SAMD5: variants seen among roughly 807,000 people sequenced by gnomAD.
The protein encoded by SAMD5 is sterile alpha motif domain containing 5, also known as sterile alpha motif domain-containing protein 5.
In SAMD5, 13 loss-of-function variants were observed where a neutral mutation model predicts 11.3. The ratio of observed to expected loss-of-function variants is 1.15; its 90% CI spans 0.75 to 1.83. The LOEUF is 1.83. Ranked by LOEUF, SAMD5 falls within the 40% of genes most tolerant of loss-of-function variation. The pLI is 0.00. For synonymous variants in SAMD5, 129 were observed against 111.3 expected, an observed-to-expected ratio of 1.16 and a Z score of -1.00; for missense variants, 255 against 239.1, an observed-to-expected ratio of 1.07 and a Z score of -0.44.
At chr6:147,582,209 A>AT (rs1374970032) in intron 1 of SAMD5, among the ~76,000 whole-genome samples, 3 of 152,086 alleles carry the variant, frequency 2.0e-5, no homozygotes, top group Admixed American at 6.5e-5. Flanking sequence ...AAATACAAAA[A>AT]TTAGCTGGGC....
the SAMD5 span, among the ~76,000 whole-genome samples, chr6:147,781,441 C>G: frequency 1.3e-5 from 2 of 152,140 alleles, no homozygotes. Flanking sequence ...TTACTTAAAT[C>G]TAGGTACATC....
chr6:147,909,088 A>G, the SAMD5 span, among the ~76,000 whole-genome samples: 95,875 of 152,116 alleles, frequency 0.63, 30,964 homozygotes, highest in African/African-American at 0.78. Context: ...GTGCACCTGC[A>G]GTCCTTGCTA....
intron 1 of SAMD5, among the ~76,000 whole-genome samples, chr6:147,686,720 TC>T (rs397803101): frequency 6.6e-6 from 1 of 151,960 alleles, no homozygotes; most frequent in Non-Finnish European, 1.5e-5. Context: ...CTTTTTTTTT[TC>T]CTCACTCAAC....
chr6:147,629,166 T>G (rs1034004948), intron 1 of SAMD5, among the ~76,000 whole-genome samples: 1 of 151,826 alleles, frequency 6.6e-6, no homozygotes, highest in African/African-American at 2.4e-5. Flanking sequence ...AAACATCAGC[T>G]AGGCATAGTG....
chr6:147,524,637 A>C (rs636447), intron 1 of SAMD5, among the ~76,000 whole-genome samples: 62,220 of 150,820 alleles, frequency 0.41, 13,565 homozygotes, highest in African/African-American at 0.57. Flanking sequence ...TGAACCACCT[A>C]CCTCCTTCTC....
At chr6:147,750,682 T>C in the SAMD5 span, among the ~76,000 whole-genome samples, 1 of 152,192 alleles carries the variant, frequency 6.6e-6, no homozygotes, top group Non-Finnish European at 1.5e-5. Flanking sequence ...CCCAGCACTT[T>C]GGGAGGCCAA....
intron 1 of SAMD5, among the ~76,000 whole-genome samples, chr6:147,663,859 A>G (rs1460176309): frequency 2.0e-5 from 3 of 149,434 alleles, no homozygotes; most frequent in Admixed American, 1.3e-4. Flanking sequence ...AAAAAATTCT[A>G]TGATCATGAC....
intron 1 of SAMD5, among the ~76,000 whole-genome samples, chr6:147,604,727 A>C (rs576638021): frequency 3.3e-5 from 5 of 152,310 alleles, no homozygotes; most frequent in African/African-American, 1.2e-4. Flanking sequence ...AAGCTGGCAA[A>C]TTTACTGAAT....
chr6:147,557,574 G>A (rs904052942), intron 1 of SAMD5, among the ~76,000 whole-genome samples: 1 of 152,152 alleles, frequency 6.6e-6, no homozygotes, highest in Non-Finnish European at 1.5e-5. Flanking sequence ...GTATGTCCCT[G>A]TGTCCTCTCC....
chr6:147,803,154 T>C, the SAMD5 span, among the ~76,000 whole-genome samples: 22 of 149,344 alleles, frequency 1.5e-4, no homozygotes, highest in East Asian at 3.9e-3. Flanking sequence ...TGTGTGTGTG[T>C]GTGTGTGTGT....
chr6:147,842,449 T>A, the SAMD5 span, among the ~76,000 whole-genome samples: 13 of 151,484 alleles, frequency 8.6e-5, no homozygotes, highest in African/African-American at 3.2e-4. Context: ...CAGCTAATTG[T>A]TGTAATGCTC....
the SAMD5 span, among the ~76,000 whole-genome samples, chr6:147,746,918 C>A: frequency 6.6e-6 from 1 of 152,216 alleles, no homozygotes; most frequent in African/African-American, 2.4e-5. Context: ...TCATGGGCTG[C>A]AACACATGTA....
At chr6:147,673,983 G>A (rs1350430491) in intron 1 of SAMD5, among the ~76,000 whole-genome samples, 1 of 152,230 alleles carries the variant, frequency 6.6e-6, no homozygotes, top group Non-Finnish European at 1.5e-5. Context: ...TATTAGGAAG[G>A]ATTAACAGTA....
At chr6:147,880,867 G>GA in the SAMD5 span, among the ~76,000 whole-genome samples, 1 of 151,990 alleles carries the variant, frequency 6.6e-6, no homozygotes. Flanking sequence ...ACTAGATCCT[G>GA]AAAAAAACAT....
intron 1 of SAMD5, among the ~76,000 whole-genome samples, chr6:147,723,489 G>A (rs1791583663): frequency 1.3e-5 from 2 of 152,186 alleles, no homozygotes; most frequent in South Asian, 4.1e-4. Flanking sequence ...AAGAGGAGGA[G>A]CTGCTGCATT....
intron 1 of SAMD5, among the ~76,000 whole-genome samples, chr6:147,602,336 T>C (rs1413622034): frequency 1.3e-5 from 2 of 152,204 alleles, no homozygotes; most frequent in Non-Finnish European, 2.9e-5. Context: ...TATACTAATG[T>C]ATTTTTTTCC....
intron 1 of SAMD5, among the ~76,000 whole-genome samples, chr6:147,633,565 AG>A (rs1413436618): frequency 6.6e-6 from 1 of 152,202 alleles, no homozygotes; most frequent in Non-Finnish European, 1.5e-5. Flanking sequence ...TTCCAAATAA[AG>A]GAAAGTACTG....
the SAMD5 span, among the ~76,000 whole-genome samples, chr6:147,755,473 C>CT: frequency 4.3e-4 from 65 of 152,032 alleles, 1 homozygote; most frequent in Admixed American, 4.2e-3. Flanking sequence ...TGATGTGTCT[C>CT]TTTTTTTCTA....
At chr6:147,814,504 TGTCA>T in the SAMD5 span, among the ~76,000 whole-genome samples, 2 of 152,252 alleles carry the variant, frequency 1.3e-5, no homozygotes. Context: ...GGCAACTCAA[TGTCA>T]GTTGGATCTG....
Sources: allele counts gnomAD v4.1 joint callset (sites outside exome capture counted in the v4.1 genomes callset), GRCh38; gene constraint gnomAD v4.1.1; transcripts MANE v1.5; gene names NCBI Gene and HGNC (gene_info 2026-07-23, HGNC 2026-07-21).